The following CPSF4L variants were observed in gnomAD, a reference collection of about 807,000 sequenced individuals.
CPSF4L encodes putative cleavage and polyadenylation specificity factor subunit 4-like protein.
A neutral mutation model predicts 24.0 loss-of-function variants in CPSF4L; 18 were observed. The ratio of observed to expected loss-of-function variants is 0.75; its 90% CI spans 0.52 to 1.11. The LOEUF (loss-of-function observed/expected upper bound fraction) is 1.11. Ranked by LOEUF, CPSF4L falls within the 50% of genes least tolerant of loss-of-function variation. The probability of loss-of-function intolerance (pLI) is 0.00; values close to 1 mark genes in which losing one functional copy is unlikely to be tolerated. For missense variants in CPSF4L, 211 were observed against 221.8 expected, an observed-to-expected ratio of 0.95 and a Z score of 0.31; for synonymous variants, 72 against 77.2, an observed-to-expected ratio of 0.93 and a Z score of 0.35.
At chr17:73,261,615 T>G (rs1431686458) in intron 1 of CPSF4L, 101 bp downstream of exon 1, 3 of 802,902 alleles carry the variant, frequency 3.7e-6, no homozygotes, top group African/African-American at 1.7e-5. Context: ...GAGCCGAGAT[T>G]GTGCCACTAC....
intron 5 of CPSF4L, among the ~76,000 whole-genome samples, chr17:73,251,658 A>C (rs9899392): frequency 0.041 from 6,237 of 152,296 alleles, 349 homozygotes; most frequent in African/African-American, 0.12. Context: ...CACTGGAATT[A>C]ATTTCACATG....
the CPSF4L span, chr17:73,242,164 G>A: frequency 1.3e-5 from 12 of 890,338 alleles, no homozygotes; most frequent in Admixed American, 7.8e-5. Flanking sequence ...AGGCTTAGCC[G>A]TGGATCCTTC....
downstream of CPSF4L, chr17:73,245,376 T>C (rs1169178033): frequency 2.3e-6 from 3 of 1,294,678 alleles, no homozygotes; most frequent in Non-Finnish European, 3.0e-6. Context: ...ATTATTAATA[T>C]AGACAGATCT....
chr17:73,261,673 A>T (rs772368861), intron 1 of CPSF4L, 43 bp downstream of exon 1: 1 of 1,338,128 alleles, frequency 7.5e-7, no homozygotes, highest in Non-Finnish European at 1.0e-6. Flanking sequence ...AGAAAAAAAA[A>T]CAGAGAAGGT....
At chr17:73,261,884 T>G, upstream of CPSF4L, 2 of 1,242,274 alleles carry the variant, frequency 1.6e-6, no homozygotes, top group South Asian at 1.3e-5. Context: ...ATATAGCTCA[T>G]CAGAGGCCCT....
chr17:73,261,040 G>A (rs1039370542), intron 1 of CPSF4L, 57 bp from the exon 2 acceptor site: 8 of 1,423,484 alleles, frequency 5.6e-6, no homozygotes, highest in East Asian at 5.0e-5. Context: ...CAGCTGTTCC[G>A]GAAGCCTCCA....
chr17:73,248,588 TC>T, intron 5 of CPSF4L, 52 bp from the exon 6 acceptor site: 1 of 1,529,250 alleles, frequency 6.5e-7, no homozygotes, highest in Non-Finnish European at 8.9e-7. Context: ...TAATCCATAT[TC>T]ACCTTCCCAT....
chr17:73,257,093 G>A (rs1396795493), intron 3 of CPSF4L, among the ~76,000 whole-genome samples: 1 of 152,176 alleles, frequency 6.6e-6, no homozygotes, highest in Non-Finnish European at 1.5e-5. Flanking sequence ...GTAAGATGCT[G>A]GTCCAGGCTT....
chr17:73,253,165 G>C (rs997550838), intron 4 of CPSF4L, among the ~76,000 whole-genome samples: 1 of 152,188 alleles, frequency 6.6e-6, no homozygotes, highest in Non-Finnish European at 1.5e-5. Context: ...TTCGAGACCA[G>C]CCTGGGCCAC....
intron 1 of CPSF4L, among the ~76,000 whole-genome samples, chr17:73,261,477 T>A (rs112936201): frequency 1.3e-5 from 2 of 152,018 alleles, no homozygotes; most frequent in East Asian, 1.9e-4. Flanking sequence ...CTGGCTAACA[T>A]GGTGAAACCC....
At chr17:73,251,553 T>A (rs977270225) in intron 5 of CPSF4L, among the ~76,000 whole-genome samples, 8 of 152,206 alleles carry the variant, frequency 5.3e-5, no homozygotes. Context: ...TATTTTATAC[T>A]CTGCAGGCTA....
chr17:73,259,980 C>G (rs1024701901), intron 2 of CPSF4L, among the ~76,000 whole-genome samples: 1 of 152,162 alleles, frequency 6.6e-6, no homozygotes, highest in Non-Finnish European at 1.5e-5. Flanking sequence ...AGCCATGAGC[C>G]AGAAGAAAAG....
chr17:73,247,457 C>A, downstream of CPSF4L: 1 of 964,782 alleles, frequency 1.0e-6, no homozygotes, highest in Non-Finnish European at 1.6e-6. Flanking sequence ...TAAGGGATAG[C>A]TTTTCAGCCC....
chr17:73,247,369 C>T (rs56767859), downstream of CPSF4L: 18,758 of 1,609,728 alleles, frequency 0.012, 628 homozygotes, highest in African/African-American at 0.12. Flanking sequence ...GAGAAGCCTT[C>T]GTGACTTCTC....
chr17:73,261,928 C>A, upstream of CPSF4L: 1 of 786,520 alleles, frequency 1.3e-6, no homozygotes, highest in South Asian at 1.6e-5. Context: ...CCCCCTTCAC[C>A]CCAGGGTGCC....
At chr17:73,242,114 A>C in the CPSF4L span, 2 of 542,974 alleles carry the variant, frequency 3.7e-6, no homozygotes, top group Middle Eastern at 3.1e-4. Flanking sequence ...AGTCCAATGC[A>C]GAAATCTTTA....
intron 3 of CPSF4L, among the ~76,000 whole-genome samples, chr17:73,255,903 C>T (rs567385949): frequency 2.0e-5 from 3 of 152,280 alleles, no homozygotes; most frequent in Admixed American, 6.5e-5. Flanking sequence ...CTTTCAGAGA[C>T]GGGGGTACTG....
the CPSF4L span, chr17:73,242,394 G>T: frequency 7.4e-7 from 1 of 1,351,798 alleles, no homozygotes; most frequent in South Asian, 1.3e-5. Context: ...GCAGGTTCTG[G>T]GCATTTGGAA....
At chr17:73,245,845 C>A, downstream of CPSF4L, 1 of 479,030 alleles carries the variant, frequency 2.1e-6, no homozygotes, top group Non-Finnish European at 2.7e-6. Flanking sequence ...GAACCGGTGG[C>A]TAATGTATCA....
Sources: allele counts gnomAD v4.1 joint callset (sites outside exome capture counted in the v4.1 genomes callset), GRCh38; gene constraint gnomAD v4.1.1; transcripts MANE v1.5; gene names NCBI Gene and HGNC (gene_info 2026-07-23, HGNC 2026-07-21).